MTR: variants seen among roughly 807,000 people sequenced by gnomAD.
MTR encodes 5-methyltetrahydrofolate-homocysteine methyltransferase.
MTR carries 84 observed loss-of-function variants against 154.8 expected under a neutral mutation model. The ratio of observed to expected loss-of-function variants is 0.54; its 90% CI spans 0.45 to 0.65. The LOEUF is 0.65. Among genes scored for constraint, MTR ranks in the 30% least tolerant of loss-of-function variants. The pLI, the probability that MTR is intolerant of heterozygous loss-of-function variation, is 0.00. For missense variants in MTR, 1,275 were observed against 1,570.2 expected (o/e 0.81, Z 3.18); for synonymous variants, 554 against 553.9 (o/e 1.00, Z 0.00).
At chr1:236,803,394 A>G (rs757663835) in intron 1 of MTR, 34 bp from the exon 2 acceptor site, 4 of 1,597,480 alleles carry the variant, frequency 2.5e-6, no homozygotes, top group Non-Finnish European at 2.6e-6. Context: ...TTCACCTTTC[A>G]TTCTTTGAAG....
rs556429682 is a variant in MTR at position 236,895,452 on chromosome 1, G to A, written c.3500G>A (p.Arg1167Gln). The change falls in exon 31 of 33, where the codon CGG (arginine) becomes CAG (glutamine). Residue 1167 changes from arginine to glutamine, a missense_variant. Arg to Gln is a conservative substitution (Grantham distance 43). Coordinates refer to ENST00000366577, the MANE Select transcript of MTR (RefSeq NM_000254.3). ...QLDVADLRRL[R>Q]YKGIRPAPGY... The stretch of plus-strand genomic sequence containing the variant: ...GACGTCGCAGACCTGCGCAGGCTGC[G>A]GTACAAGGGCATCCGCCCGGCTCCT... The A allele has an allele frequency of 8.6e-5, 138 of 1,600,804 alleles. No homozygotes were observed. Among genetic ancestry groups the A allele is most frequent in the Non-Finnish European group, 1.1e-4 (125 of 1,173,438 alleles).
rs371286986 is a variant in MTR, at chr1:236,825,419, C to T, written c.927+20C>T. 58 of 1,595,626 alleles carry T rather than the reference C, an allele frequency of 3.6e-5. No individual in the cohort carries two copies. Among genetic ancestry groups the T allele is most frequent in the Admixed American group, 2.0e-4 (12 of 59,978 alleles). The stretch of plus-strand genomic sequence containing the variant: ...CTAAAGGTCAGGGGTCCCCCTTTCA[C>T]TGGCTTTTTAAGAGAGACAGAAAGA... On this transcript the variant is annotated intron_variant, in intron 10 of 32. Coordinates refer to ENST00000366577, the MANE Select transcript of MTR (RefSeq NM_000254.3).
intron 28 of MTR, among the ~76,000 whole-genome samples, chr1:236,890,625 G>C (rs1484844201): frequency 6.6e-6 from 1 of 152,156 alleles, no homozygotes; most frequent in Non-Finnish European, 1.5e-5. Flanking sequence ...AACTCTTCAT[G>C]GTACTGTTGA....
At chr1:236,880,256 C>T (rs1408200993) in intron 24 of MTR, among the ~76,000 whole-genome samples, 3 of 152,148 alleles carry the variant, frequency 2.0e-5, no homozygotes, top group Non-Finnish European at 4.4e-5. Flanking sequence ...ACTGCAAGTA[C>T]AAGGTGGGGT....
At chr1:236,838,628 T>C in intron 15 of MTR, 29 bp downstream of exon 15, 1 of 1,613,206 alleles carries the variant, frequency 6.2e-7, no homozygotes, top group Non-Finnish European at 8.5e-7. Context: ...CCTAATCCAT[T>C]GTGTTTCCCA....
chr1:236,800,770 A>C (rs1660659793), intron 1 of MTR, among the ~76,000 whole-genome samples: 1 of 152,248 alleles, frequency 6.6e-6, no homozygotes. Flanking sequence ...TTTACTATAC[A>C]TCAAACACCA....
At position 236,873,758 on chromosome 1, in the gene MTR, A is replaced by G; in HGVS notation, c.2406-15A>G. On this transcript the variant is annotated splice_polypyrimidine_tract_variant and intron_variant, in intron 22 of 32. Coordinates refer to ENST00000366577, the MANE Select transcript of MTR (RefSeq NM_000254.3). The stretch of plus-strand genomic sequence containing the variant: ...GCTTTCATTAATTTTCTCATGTCTC[A>G]TTTCTGTGCCTCAGAGTTATTGATT... The G allele has an allele frequency of 6.2e-7, 1 of 1,611,908 alleles. No individual in the cohort carries two copies. Among genetic ancestry groups the G allele is most frequent in the Non-Finnish European group, 8.5e-7 (1 of 1,177,960 alleles).
chr1:236,836,853 G>A (rs1376365223), intron 14 of MTR, among the ~76,000 whole-genome samples: 1 of 152,068 alleles, frequency 6.6e-6, no homozygotes, highest in East Asian at 1.9e-4. Flanking sequence ...TTGGGAAGAG[G>A]GTAGACTCGC....
rs1433540164 is a variant in MTR, at chr1:236,839,880, A to G, written c.1515+1281A>G. ...TTAAAAAGAATCAGGAGATGGAACC[A>G]TGTCTTCAGTATATTGAAAAATGAA... On this transcript the variant is annotated intron_variant, in intron 15 of 32. Transcript: ENST00000366577. 4.6e-5 allele frequency among the ~76,000 whole-genome samples: 7 copies of G among 152,226 alleles called. No individual in the cohort carries two copies. In the East Asian group the frequency reaches 1.2e-3, roughly 25 times the overall value.
intron 25 of MTR, among the ~76,000 whole-genome samples, chr1:236,882,028 C>G (rs12059215): frequency 0.35 from 53,702 of 152,034 alleles, 10,284 homozygotes; most frequent in East Asian, 0.44. Context: ...TAACAATTCT[C>G]CTTCATTAAA....
chr1:236,798,055 G>T (rs10495384), intron 1 of MTR, among the ~76,000 whole-genome samples: 13,092 of 147,512 alleles, frequency 0.089, 1,261 homozygotes, highest in African/African-American at 0.24. Context: ...AAAGAGAGAA[G>T]TATCTTGCAA....
chr1:236,817,377 T>C (rs1037311444), intron 8 of MTR, among the ~76,000 whole-genome samples: 1 of 152,132 alleles, frequency 6.6e-6, no homozygotes, highest in Admixed American at 6.6e-5. Context: ...TCAAGAATCT[T>C]CCCTCCAGAG....
intron 25 of MTR, among the ~76,000 whole-genome samples, chr1:236,882,541 C>T (rs1405593805): frequency 6.6e-6 from 1 of 152,134 alleles, no homozygotes; most frequent in African/African-American, 2.4e-5. Context: ...CAGGTGTGCA[C>T]CACCACTTCC....
At chr1:236,826,303 G>GT (rs1329601461) in intron 10 of MTR, among the ~76,000 whole-genome samples, 1 of 152,098 alleles carries the variant, frequency 6.6e-6, no homozygotes, top group African/African-American at 2.4e-5. Context: ...TATTTTTTGT[G>GT]TTTATTTTTT....
intron 15 of MTR, among the ~76,000 whole-genome samples, chr1:236,849,633 G>A (rs1035261430): frequency 6.6e-6 from 1 of 152,162 alleles, no homozygotes; most frequent in East Asian, 1.9e-4. Context: ...TAGAGGAGAG[G>A]GCAAATGGTA....
rs1224330699 is a variant in MTR at position 236,808,768 on chromosome 1, A to G, written c.404A>G (p.Gln135Arg). The G allele has an allele frequency of 1.2e-6, 2 of 1,614,120 alleles. No individual in the cohort carries two copies. The highest frequency in any genetic ancestry group is 1.7e-5 in the Admixed American group (1 of 60,026). The part of the protein sequence containing the change: ...ARKAAEEVTL[Q>R]TGIKRFVAGA... ...AAAGCTGCCGAGGAGGTAACTCTCC[A>G]GACAGGTAGGGAATGTTCTTCTCTT... The change falls in exon 4 of 33, where the codon CAG becomes CGG. Residue 135 changes from glutamine to arginine, a missense_variant. Gln to Arg is a conservative substitution (Grantham distance 43, BLOSUM62 1). Coordinates refer to ENST00000366577, the MANE Select transcript of MTR (RefSeq NM_000254.3).
At chr1:236,857,892 G>A (rs570887894) in intron 18 of MTR, among the ~76,000 whole-genome samples, 2 of 152,360 alleles carry the variant, frequency 1.3e-5, no homozygotes, top group South Asian at 2.1e-4. Flanking sequence ...GCCAGGCCAA[G>A]GTTTGGGGGT....
At chr1:236,824,244 A>C in intron 9 of MTR, 25 bp downstream of exon 9, 5 of 1,542,042 alleles carry the variant, frequency 3.2e-6, no homozygotes, top group Non-Finnish European at 4.5e-6. Flanking sequence ...GGGGTCACAC[A>C]TGGGGAGATA....
intron 13 of MTR, 114 bp downstream of exon 13, chr1:236,832,192 G>A (rs1662653275): frequency 1.1e-6 from 1 of 885,864 alleles, no homozygotes; most frequent in South Asian, 1.4e-5. Context: ...GCTAGAAAGT[G>A]TGAGAAGATG....
Sources: allele counts gnomAD v4.1 joint callset (sites outside exome capture counted in the v4.1 genomes callset), GRCh38; gene constraint gnomAD v4.1.1; transcripts MANE v1.5; gene names NCBI Gene and HGNC (gene_info 2026-07-23, HGNC 2026-07-21).